Variants in SMC3 observed in about 807,000 individuals in gnomAD.
SMC3 encodes the protein structural maintenance of chromosomes protein 3.
A neutral mutation model predicts 171.8 loss-of-function variants in SMC3; 20 were observed. The ratio of observed to expected loss-of-function variants is 0.12; its 90% CI spans 0.08 to 0.17. SMC3 has a LOEUF of 0.17. Ranked by LOEUF, SMC3 falls within the 10% of genes least tolerant of loss-of-function variation. The probability of loss-of-function intolerance (pLI) is 1.00; values close to 1 mark genes in which losing one functional copy is unlikely to be tolerated. For synonymous variants in SMC3, 464 were observed against 451.1 expected, an observed-to-expected ratio of 1.03 and a Z score of -0.36; for missense variants, 543 against 1,420.4, an observed-to-expected ratio of 0.38 and a Z score of 9.93.
At chr10:110,594,973 T>C (rs572921443) in intron 18 of SMC3, among the ~76,000 whole-genome samples, 27 of 151,554 alleles carry the variant, frequency 1.8e-4, no homozygotes, top group African/African-American at 6.3e-4. Flanking sequence ...AAATCAAGTA[T>C]GCATATAGTG....
At chr10:110,577,306 C>A in intron 4 of SMC3, 115 bp from the exon 5 acceptor site, 2 of 761,296 alleles carry the variant, frequency 2.6e-6, no homozygotes, top group South Asian at 1.5e-5. Context: ...ATGAATCTAG[C>A]AGAAATTTTT....
intron 25 of SMC3, 74 bp from the exon 26 acceptor site, chr10:110,602,400 C>CT: frequency 8.0e-7 from 1 of 1,254,028 alleles, no homozygotes; most frequent in Non-Finnish European, 1.1e-6. Flanking sequence ...TAATTGGTTG[C>CT]TTTTAAATAT....
At chr10:110,567,852 C>CA in intron 1 of SMC3, 21 bp downstream of exon 1, 1 of 1,613,292 alleles carries the variant, frequency 6.2e-7, no homozygotes, top group East Asian at 2.2e-5. Flanking sequence ...CGCGTCCCTC[C>CA]ACCCCGTCAT....
chr10:110,591,704 C>T (rs1470938100), intron 17 of SMC3, among the ~76,000 whole-genome samples: 1 of 152,160 alleles, frequency 6.6e-6, no homozygotes, highest in East Asian at 1.9e-4. Flanking sequence ...CTTTGAGGTA[C>T]TTGACTTCAG....
intron 13 of SMC3, among the ~76,000 whole-genome samples, chr10:110,585,223 G>A (rs1229664157): frequency 6.7e-6 from 1 of 150,346 alleles, no homozygotes; most frequent in Non-Finnish European, 1.5e-5. Context: ...CAGGTGATCT[G>A]CCTGCCTCAG....
At chr10:110,588,423 CT>C (rs1190500958) in intron 13 of SMC3, among the ~76,000 whole-genome samples, 1 of 152,184 alleles carries the variant, frequency 6.6e-6, no homozygotes, top group African/African-American at 2.4e-5. Flanking sequence ...TGTCAGTACT[CT>C]GTGGGAATAT....
intron 13 of SMC3, among the ~76,000 whole-genome samples, chr10:110,588,596 G>C (rs1473447468): frequency 6.6e-6 from 1 of 152,066 alleles, no homozygotes; most frequent in Non-Finnish European, 1.5e-5. Context: ...TGTTTGCTTT[G>C]GTCTTTTATG....
At chr10:110,585,482 G>A (rs189866820) in intron 13 of SMC3, among the ~76,000 whole-genome samples, 95 of 150,010 alleles carry the variant, frequency 6.3e-4, no homozygotes, top group African/African-American at 2.3e-3. Flanking sequence ...GTAGAGGTGG[G>A]GTTTCACCAT....
chr10:110,593,553 CAG>C (rs1225741846), intron 18 of SMC3, among the ~76,000 whole-genome samples: 5 of 149,314 alleles, frequency 3.3e-5, no homozygotes, highest in African/African-American at 1.2e-4. Context: ...GCTTGGGTGA[CAG>C]AGCGAGACTC....
At chr10:110,590,063 C>T in intron 15 of SMC3, 72 bp downstream of exon 15, 1 of 1,344,722 alleles carries the variant, frequency 7.4e-7, no homozygotes, top group Non-Finnish European at 1.1e-6. Context: ...TAATTTTTTA[C>T]CTTTCAAGGT....
At chr10:110,603,713 A>AT (rs1861422801) in intron 28 of SMC3, among the ~76,000 whole-genome samples, 1 of 152,212 alleles carries the variant, frequency 6.6e-6, no homozygotes, top group African/African-American at 2.4e-5. Flanking sequence ...TAAAATACAT[A>AT]TTTTTTAAAT....
At chr10:110,598,974 T>C (rs970515665) in intron 20 of SMC3, among the ~76,000 whole-genome samples, 2 of 152,052 alleles carry the variant, frequency 1.3e-5, no homozygotes, top group African/African-American at 4.8e-5. Flanking sequence ...TAGTGTGTTA[T>C]TGGTCTCATA....
At chr10:110,573,125 A>T (rs1316234630) in intron 2 of SMC3, among the ~76,000 whole-genome samples, 2 of 152,182 alleles carry the variant, frequency 1.3e-5, no homozygotes, top group African/African-American at 4.8e-5. Flanking sequence ...ATAGTTATTT[A>T]TGAGTCTTAA....
At chr10:110,590,044 G>C in intron 15 of SMC3, 53 bp downstream of exon 15, 2 of 1,485,924 alleles carry the variant, frequency 1.3e-6, no homozygotes. Flanking sequence ...TGAGTTAATC[G>C]TTATGTAATA....
intron 1 of SMC3, 24 bp downstream of exon 1, chr10:110,567,855 C>G (rs905473238): frequency 1.6e-5 from 26 of 1,613,120 alleles, no homozygotes; most frequent in Non-Finnish European, 2.2e-5. Flanking sequence ...GTCCCTCCAC[C>G]CCGTCATGGG....
At chr10:110,589,035 A>AT (rs1861166388) in intron 13 of SMC3, among the ~76,000 whole-genome samples, 3 of 151,570 alleles carry the variant, frequency 2.0e-5, no homozygotes, top group Non-Finnish European at 4.4e-5. Context: ...CATGTTTTAT[A>AT]GTATTTAATG....
intron 20 of SMC3, among the ~76,000 whole-genome samples, chr10:110,598,888 C>A (rs181834837): frequency 6.6e-6 from 1 of 152,044 alleles, no homozygotes; most frequent in Non-Finnish European, 1.5e-5. Flanking sequence ...TTATCTGAAG[C>A]ACAATGGAAT....
intron 2 of SMC3, among the ~76,000 whole-genome samples, chr10:110,569,722 C>T (rs1860841829): frequency 6.6e-6 from 1 of 152,116 alleles, no homozygotes; most frequent in African/African-American, 2.4e-5. Context: ...ATACCTGTCT[C>T]ATAGGGCTGT....
At chr10:110,582,410 A>T (rs1861046024) in intron 9 of SMC3, 152 bp from the exon 10 acceptor site, 1 of 671,840 alleles carries the variant, frequency 1.5e-6, no homozygotes, top group African/African-American at 1.8e-5. Flanking sequence ...TTAGTGCTTC[A>T]GTTTTCTAGT....
Sources: gnomAD v4.1 joint callset for allele counts (sites outside exome capture counted in the v4.1 genomes callset) on GRCh38, gnomAD v4.1.1 for gene constraint, MANE v1.5 for transcripts, NCBI Gene and HGNC (gene_info 2026-07-23, HGNC 2026-07-21) for gene names.